The following TLN2 variants were observed in gnomAD, a reference collection of about 807,000 sequenced individuals.
TLN2 encodes the protein talin-2.
TLN2 carries 118 observed loss-of-function variants against 294.7 expected under a neutral mutation model. That is an observed-to-expected ratio of 0.40 (90% CI 0.34 to 0.47). TLN2 has a LOEUF of 0.47. Among genes scored for constraint, TLN2 ranks in the 20% least tolerant of loss-of-function variants. TLN2 has a pLI of 0.84. For synonymous variants in TLN2, 1,431 were observed against 1,304.5 expected (o/e 1.10, Z -2.09); for missense variants, 3,083 against 3,282.2 (o/e 0.94, Z 1.48).
chr15:62,639,956 G>A (rs1464480025), intron 3 of TLN2, among the ~76,000 whole-genome samples: 1 of 152,208 alleles, frequency 6.6e-6, no homozygotes, highest in Non-Finnish European at 1.5e-5. Flanking sequence ...GTGAAGGCAT[G>A]ACTTGACTTA....
chr15:62,642,548 C>T (rs2051245339), intron 3 of TLN2, among the ~76,000 whole-genome samples: 1 of 149,560 alleles, frequency 6.7e-6, no homozygotes, highest in Non-Finnish European at 1.5e-5. Flanking sequence ...GGTGTGTTGT[C>T]TGAGCTGCCT....
In TLN2 at chr15:62,762,418, G is replaced by A. The variant is rs1360248043; in HGVS notation, c.4926G>A (p.Val1642=). Residue 1642 remains valine, a synonymous_variant, in exon 39 of 59, where the codon GTG becomes GTA. Transcript: ENST00000636159. ...TACTGGCTGGACATTCCCATACAGT[G>A]TCCGACTCCATCAAGAGTCTCATCA... ...WSVLAGHSHT[V]SDSIKSLITS... 1.2e-6 allele frequency: 2 copies of A among 1,614,018 alleles called. No homozygotes were observed. The highest frequency in any genetic ancestry group is 3.3e-5 in the Admixed American group (2 of 60,002).
chr15:62,799,920 C>T (rs1353868700), intron 48 of TLN2, among the ~76,000 whole-genome samples: 3 of 151,894 alleles, frequency 2.0e-5, no homozygotes, highest in Non-Finnish European at 2.9e-5. Flanking sequence ...ACAGGCTGAC[C>T]TGTGTGCCTG....
chr15:62,821,132 G>A (rs1320737141), intron 54 of TLN2, among the ~76,000 whole-genome samples: 3 of 152,138 alleles, frequency 2.0e-5, no homozygotes, highest in Non-Finnish European at 4.4e-5. Flanking sequence ...TAAGATTATA[G>A]GTATATGTGA....
At chr15:62,657,706 C>T (rs1395734078) in intron 8 of TLN2, 65 bp from the exon 9 acceptor site, 16 of 1,567,936 alleles carry the variant, frequency 1.0e-5, no homozygotes, top group South Asian at 3.7e-5. Flanking sequence ...CATGGGAATG[C>T]GTCAGTGGAG....
intron 1 of TLN2, among the ~76,000 whole-genome samples, chr15:62,432,173 C>T (rs958606111): frequency 5.9e-5 from 9 of 151,880 alleles, no homozygotes; most frequent in African/African-American, 2.2e-4. Flanking sequence ...GATTTTTTAT[C>T]GAATTTTTTA....
chr15:62,494,925 C>T (rs1438861108), intron 1 of TLN2, among the ~76,000 whole-genome samples: 3 of 152,146 alleles, frequency 2.0e-5, no homozygotes, highest in African/African-American at 4.8e-5. Context: ...CCACACAGCC[C>T]TCCTTTTTCT....
At chr15:62,798,588 A>C (rs2065696717) in intron 48 of TLN2, among the ~76,000 whole-genome samples, 1 of 152,084 alleles carries the variant, frequency 6.6e-6, no homozygotes, top group Non-Finnish European at 1.5e-5. Flanking sequence ...CTCTGTTCCC[A>C]GAACCGTCAA....
intron 1 of TLN2, among the ~76,000 whole-genome samples, chr15:62,565,910 CTGTGTGTGTG>C (rs71718001): frequency 1.3e-5 from 2 of 148,484 alleles, no homozygotes; most frequent in African/African-American, 2.5e-5. Flanking sequence ...TGTTTACTAG[CTGTGTGTGTG>C]TGTGTGTGTG....
At chr15:62,664,870 A>AAAAAAAAAAAAAAAAAG (rs2054381517) in intron 9 of TLN2, among the ~76,000 whole-genome samples, 1 of 149,190 alleles carries the variant, frequency 6.7e-6, no homozygotes, top group Non-Finnish European at 1.5e-5. Context: ...AAAAAAAAAA[A>AAAAAAAAAAAAAAAAAG]AAAAAAAAGT....
At chr15:62,754,795 A>C (rs1039720148) in intron 36 of TLN2, 1 of 152,336 alleles carries the variant, frequency 6.6e-6, no homozygotes, top group African/African-American at 2.4e-5. Context: ...TCAGGAAAGC[A>C]AATGAGTTGA....
At chr15:62,440,712 A>T (rs1211367670) in intron 1 of TLN2, among the ~76,000 whole-genome samples, 1 of 152,182 alleles carries the variant, frequency 6.6e-6, no homozygotes, top group Non-Finnish European at 1.5e-5. Context: ...ACTTTTACTT[A>T]GGATTGATAC....
At chr15:62,739,099 G>A (rs572025082) in intron 30 of TLN2, among the ~76,000 whole-genome samples, 1 of 152,308 alleles carries the variant, frequency 6.6e-6, no homozygotes, top group Admixed American at 6.5e-5. Context: ...AGCCCCTGTA[G>A]ATAGCTTACA....
At chr15:62,642,537 A>G (rs1276294388) in intron 3 of TLN2, among the ~76,000 whole-genome samples, 1 of 151,722 alleles carries the variant, frequency 6.6e-6, no homozygotes, top group Non-Finnish European at 1.5e-5. Context: ...ATCTTTATCG[A>G]GGTGTGTTGT....
At chr15:62,800,515 G>A (rs2065862422) in intron 49 of TLN2, 22 bp downstream of exon 49, 1 of 1,613,212 alleles carries the variant, frequency 6.2e-7, no homozygotes, top group East Asian at 2.2e-5. Flanking sequence ...CTCCGACTGG[G>A]GATGAGCACC....
intron 41 of TLN2, among the ~76,000 whole-genome samples, chr15:62,768,796 C>T (rs1392742975): frequency 3.9e-5 from 6 of 152,180 alleles, no homozygotes; most frequent in East Asian, 1.9e-4. Context: ...TATGTGAGCA[C>T]CTAGCCTTTA....
At chr15:62,582,763 C>T (rs954644240) in intron 1 of TLN2, among the ~76,000 whole-genome samples, 12 of 152,074 alleles carry the variant, frequency 7.9e-5, no homozygotes, top group African/African-American at 2.7e-4. Context: ...AGGGACTGGT[C>T]CCAGTGACTG....
chr15:62,500,886 C>T (rs2039269727), intron 1 of TLN2, among the ~76,000 whole-genome samples: 1 of 152,244 alleles, frequency 6.6e-6, no homozygotes. Flanking sequence ...CCAGGCTGCT[C>T]TTGGCCATCT....
At chr15:62,832,842 T>C (rs1336464056) in intron 54 of TLN2, 2 of 152,142 alleles carry the variant, frequency 1.3e-5, no homozygotes, top group Non-Finnish European at 2.9e-5. Flanking sequence ...TCTTTCCTTT[T>C]TTTTTTTTTA....
Sources: allele counts gnomAD v4.1 joint callset (sites outside exome capture counted in the v4.1 genomes callset), GRCh38; gene constraint gnomAD v4.1.1; transcripts MANE v1.5; gene names NCBI Gene and HGNC (gene_info 2026-07-23, HGNC 2026-07-21).